Variants in EXT1 observed in about 807,000 individuals in gnomAD.
EXT1 encodes the protein exostosin glycosyltransferase 1.
A neutral mutation model predicts 82.5 loss-of-function variants in EXT1; 20 were observed. The ratio of observed to expected loss-of-function variants is 0.24; its 90% confidence interval spans 0.17 to 0.35. The LOEUF is 0.35. Ranked by LOEUF, EXT1 falls within the 10% of genes least tolerant of loss-of-function variation. The pLI, the probability that EXT1 is intolerant of heterozygous loss-of-function variation, is 1.00. For synonymous variants in EXT1, 348 were observed against 350.8 expected (o/e 0.99, Z 0.09); for missense variants, 757 against 936.5 (o/e 0.81, Z 2.50).
intron 1 of EXT1, among the ~76,000 whole-genome samples, chr8:117,858,965 A>G (rs1812635100): frequency 6.6e-6 from 1 of 152,244 alleles, no homozygotes. Context: ...GCCAGCAGCC[A>G]TCAACAAGGC....
intron 1 of EXT1, 56 bp downstream of exon 1, chr8:118,110,029 C>T: frequency 6.2e-7 from 1 of 1,611,950 alleles, no homozygotes; most frequent in South Asian, 1.1e-5. Context: ...ACACCTGGAC[C>T]AAGGCCGGCA....
chr8:118,072,417 T>C (rs1817111841), intron 1 of EXT1, among the ~76,000 whole-genome samples: 2 of 152,330 alleles, frequency 1.3e-5, no homozygotes, highest in South Asian at 2.1e-4. Context: ...CTACATAATT[T>C]AGCATTTAAT....
intron 1 of EXT1, among the ~76,000 whole-genome samples, chr8:118,100,158 G>A (rs1225962879): frequency 6.6e-6 from 1 of 152,152 alleles, no homozygotes; most frequent in Non-Finnish European, 1.5e-5. Flanking sequence ...CCAGTGGTTG[G>A]AAGACACACA....
Position 117,847,419 on chromosome 8 carries a change from T to A in EXT1, c.963-10218A>T, listed in dbSNP as rs17450626. 1.8e-3 allele frequency among the ~76,000 whole-genome samples: 281 copies of A among 152,316 alleles called. 7 individuals are homozygous for A. In the East Asian group the frequency reaches 0.049, roughly 26 times the overall value. ...TTTTTATTTCTACAGGTCTGGCAGC[T>A]TGTTAAAAATGTCATTTTCTCCCTG... On this transcript the variant is annotated intron_variant, in intron 1 of 10. Coordinates refer to ENST00000378204, the MANE Select transcript of EXT1 (RefSeq NM_000127.3).
rs10594150 is a variant in EXT1, at chr8:118,093,268, CA to C, written c.962+16816del. Among the ~76,000 whole-genome samples, 294 of 66,750 alleles carry C rather than the reference CA, an allele frequency of 4.4e-3. 2 individuals carry two copies. Among genetic ancestry groups the C allele is most frequent in the African/African-American group, 0.01 (162 of 15,846 alleles). The allele number at this position is 66,750 out of a possible 152,430, so 43.8% of individuals were successfully genotyped here. On this transcript the variant is annotated intron_variant, in intron 1 of 10. Transcript: ENST00000378204. ...CCACATGCTCCAGAAAAATTCCCAG[CA>C]AAAAAAAAAAAAAAAAAAAAAGATT...
chr8:118,058,135 C>CACAG (rs979658539), intron 1 of EXT1, among the ~76,000 whole-genome samples: 14 of 152,052 alleles, frequency 9.2e-5, no homozygotes, highest in African/African-American at 3.4e-4. Flanking sequence ...CCCACTCACA[C>CACAG]ACAGACAGAC....
intron 1 of EXT1, among the ~76,000 whole-genome samples, chr8:118,018,104 G>C (rs991572605): frequency 6.6e-6 from 1 of 152,174 alleles, no homozygotes; most frequent in African/African-American, 2.4e-5. Context: ...AGATCTATAG[G>C]TGTATGTTAC....
chr8:117,892,656 G>A (rs1196263636), intron 1 of EXT1, among the ~76,000 whole-genome samples: 2 of 152,206 alleles, frequency 1.3e-5, no homozygotes, highest in African/African-American at 4.8e-5. Context: ...AGAGTTTGTA[G>A]TTGGGCCAAG....
At chr8:117,878,451 T>C (rs553762439) in intron 1 of EXT1, among the ~76,000 whole-genome samples, 1 of 152,306 alleles carries the variant, frequency 6.6e-6, no homozygotes, top group African/African-American at 2.4e-5. Context: ...TTGGTGGTCA[T>C]CTACTGTGTG....
intron 1 of EXT1, among the ~76,000 whole-genome samples, chr8:118,005,282 T>C (rs538054717): frequency 6.6e-6 from 1 of 152,318 alleles, no homozygotes; most frequent in South Asian, 2.1e-4. Context: ...CCTCATGTTA[T>C]AGTGCTCAGC....
chr8:117,812,836 C>G, intron 8 of EXT1, 36 bp downstream of exon 8: 3 of 1,573,100 alleles, frequency 1.9e-6, no homozygotes, highest in South Asian at 1.1e-5. Flanking sequence ...ACTGCCTGAA[C>G]AGCCCACCTG....
intron 1 of EXT1, among the ~76,000 whole-genome samples, chr8:118,010,738 G>C (rs900764751): frequency 3.9e-5 from 6 of 152,210 alleles, no homozygotes; most frequent in Admixed American, 3.3e-4. Context: ...CCGCAAGAGT[G>C]TGATCGCAGG....
At chr8:117,850,638 G>A (rs149983133) in intron 1 of EXT1, among the ~76,000 whole-genome samples, 1 of 152,324 alleles carries the variant, frequency 6.6e-6, no homozygotes, top group African/African-American at 2.4e-5. Context: ...CCAAAGCCAA[G>A]TCAGAGCTAA....
At position 118,111,196 on chromosome 8, in the gene EXT1, C is replaced by G. The variant is rs951791937; in HGVS notation, c.-150G>C. 6 of 1,133,528 alleles carry G rather than the reference C, an allele frequency of 5.3e-6. No individual in the cohort carries two copies. The African/African-American group carries it at 6.1e-5, about 12-fold the overall frequency. 70.2% of individuals were successfully genotyped at this position (1,133,528 alleles called of 1,614,324 possible). Reference sequence around the variant, plus strand: ...CTTCTCTGGATGCCTTTCCCCAAGCCGTGGACTGATCCAGCGCATGTGGGC... The same window carrying G: ...CTTCTCTGGATGCCTTTCCCCAAGCGGTGGACTGATCCAGCGCATGTGGGC... On this transcript the variant is annotated 5_prime_UTR_variant, in exon 1 of 11. Transcript: ENST00000378204.
At chr8:118,103,569 T>G (rs1817760117) in intron 1 of EXT1, among the ~76,000 whole-genome samples, 1 of 152,182 alleles carries the variant, frequency 6.6e-6, no homozygotes, top group Non-Finnish European at 1.5e-5. Flanking sequence ...CTTTCATTTC[T>G]ATTCTATTGG....
Position 117,799,585 on chromosome 8 carries a change from C to A in EXT1, c.*127G>T. On this transcript the variant is annotated 3_prime_UTR_variant, in exon 11 of 11. Coordinates refer to ENST00000378204, the MANE Select transcript of EXT1 (RefSeq NM_000127.3). ...CATTGGCCTTTTTTTTTTTGTCATT[C>A]TGCTCATCTAAGTTTTTGGATAGTT... 2 of 1,033,288 alleles carry A rather than the reference C, an allele frequency of 1.9e-6. No individual in the cohort carries two copies. The highest frequency in any genetic ancestry group is 2.9e-6 in the Non-Finnish European group (2 of 691,256). The allele number at this position is 1,033,288 out of a possible 1,614,324, so 64.0% of individuals were successfully genotyped here.
chr8:118,047,111 C>A, intron 1 of EXT1, among the ~76,000 whole-genome samples: 1 of 152,104 alleles, frequency 6.6e-6, no homozygotes, highest in East Asian at 1.9e-4. Flanking sequence ...GCATTAAAAT[C>A]GCCTGGGGAA....
At chr8:118,055,546 T>G (rs923034911) in intron 1 of EXT1, among the ~76,000 whole-genome samples, 4 of 152,330 alleles carry the variant, frequency 2.6e-5, no homozygotes, top group African/African-American at 9.6e-5. Context: ...TTTTCCAGTA[T>G]AAAGAAATGG....
intron 1 of EXT1, among the ~76,000 whole-genome samples, chr8:117,997,555 T>C (rs1052757784): frequency 4.6e-5 from 7 of 152,236 alleles, no homozygotes; most frequent in Admixed American, 3.3e-4. Flanking sequence ...GTCCATAGTT[T>C]ACTAATCTTG....
Sources: gnomAD v4.1 joint callset for allele counts (sites outside exome capture counted in the v4.1 genomes callset) on GRCh38, gnomAD v4.1.1 for gene constraint, MANE v1.5 for transcripts, NCBI Gene and HGNC (gene_info 2026-07-23, HGNC 2026-07-21) for gene names.